Variants in PLB1 observed in about 807,000 individuals in gnomAD.
PLB1 encodes the protein phospholipase B1, membrane-associated.
In PLB1, 242 loss-of-function variants were observed where a neutral mutation model predicts 227.4. That is an observed-to-expected ratio of 1.06 (90% CI 0.96 to 1.18). The LOEUF (loss-of-function observed/expected upper bound fraction) is 1.18. Among genes scored for constraint, PLB1 ranks in the 50% most tolerant of loss-of-function variants. The pLI is 0.00. For synonymous variants in PLB1, 757 were observed against 682.2 expected (o/e 1.11, Z -1.71); for missense variants, 1,858 against 1,816.3 (o/e 1.02, Z -0.42).
Position 28,529,354 on chromosome 2 carries a change from T to C in PLB1, c.363T>C (p.Val121=). The change falls in exon 7 of 58, where the codon GTT becomes GTC. Residue 121 remains valine (V), a synonymous_variant. Coordinates refer to ENST00000327757, the MANE Select transcript of PLB1 (RefSeq NM_153021.5). ...TCATCAGATATTTCAGTCCTTCTGT[T>C]CCAATGCCTGTGTGCCACACTGGAA... ...SDIIRYFSPS[V]PMPVCHTGKR... is the part of the protein sequence containing the mutation. The C allele has an allele frequency of 6.2e-7, 1 of 1,611,962 alleles. No homozygotes were observed. Among genetic ancestry groups the C allele is most frequent in the Non-Finnish European group, 8.5e-7 (1 of 1,178,068 alleles).
chr2:28,563,757 T>C (rs1308313565), intron 18 of PLB1, among the ~76,000 whole-genome samples: 1 of 152,058 alleles, frequency 6.6e-6, no homozygotes, highest in Non-Finnish European at 1.5e-5. Context: ...AGACACAGCT[T>C]CCATTCAACA....
At chr2:28,566,732 C>T in intron 19 of PLB1, 64 bp from the exon 20 acceptor site, 1 of 1,577,044 alleles carries the variant, frequency 6.3e-7, no homozygotes, top group Non-Finnish European at 8.7e-7. Flanking sequence ...TGGCTAGTGT[C>T]TGAAGGGTCT....
At chr2:28,593,317 A>T (rs1171584964) in intron 32 of PLB1, among the ~76,000 whole-genome samples, 2 of 152,238 alleles carry the variant, frequency 1.3e-5, no homozygotes, top group Non-Finnish European at 2.9e-5. Context: ...CTCTCTCTTC[A>T]TGCTCATAAA....
chr2:28,601,013 G>A (rs868858750), intron 36 of PLB1, among the ~76,000 whole-genome samples, 153 bp downstream of exon 36: 1 of 152,192 alleles, frequency 6.6e-6, no homozygotes, highest in Admixed American at 6.5e-5. Context: ...AGGTCCTGTG[G>A]AGGAGGGTAT....
chr2:28,562,086 T>C (rs1676142096), intron 17 of PLB1, among the ~76,000 whole-genome samples: 1 of 151,836 alleles, frequency 6.6e-6, no homozygotes, highest in South Asian at 2.1e-4. Flanking sequence ...GAGGGAGAAA[T>C]GGAGAGTGAC....
intron 8 of PLB1, 38 bp from the exon 9 acceptor site, chr2:28,532,070 A>G (rs776195579): frequency 5.4e-5 from 82 of 1,524,418 alleles, no homozygotes; most frequent in Admixed American, 8.5e-5. Flanking sequence ...CAAGGTCTTA[A>G]CACAATCTCC....
At chr2:28,523,228 C>T (rs1254581698) in intron 4 of PLB1, among the ~76,000 whole-genome samples, 1 of 151,774 alleles carries the variant, frequency 6.6e-6, no homozygotes, top group Admixed American at 6.6e-5. Flanking sequence ...TACACACGTG[C>T]ACACACATAT....
chr2:28,564,532 C>T (rs901954007), intron 18 of PLB1, among the ~76,000 whole-genome samples: 35 of 152,202 alleles, frequency 2.3e-4, no homozygotes, highest in Admixed American at 2.2e-3. Flanking sequence ...GCTCCCAATT[C>T]CCTGGTCTCC....
At chr2:28,640,062 T>A (rs529732625) in intron 56 of PLB1, among the ~76,000 whole-genome samples, 1 of 152,180 alleles carries the variant, frequency 6.6e-6, no homozygotes, top group East Asian at 1.9e-4. Flanking sequence ...GTAAAAGGCC[T>A]TCAGACAACA....
intron 17 of PLB1, among the ~76,000 whole-genome samples, chr2:28,556,868 TA>T (rs746903295): frequency 2.4e-4 from 36 of 152,242 alleles, no homozygotes; most frequent in Non-Finnish European, 4.7e-4. Context: ...AATTCCTTGC[TA>T]AGTCCCTGAT....
At chr2:28,562,232 T>C (rs944267035) in intron 17 of PLB1, among the ~76,000 whole-genome samples, 4 of 152,150 alleles carry the variant, frequency 2.6e-5, no homozygotes, top group African/African-American at 4.8e-5. Flanking sequence ...ATTTTAGTTA[T>C]ATGAATTTCA....
At chr2:28,520,519 A>G (rs1669383074) in intron 4 of PLB1, among the ~76,000 whole-genome samples, 1 of 152,236 alleles carries the variant, frequency 6.6e-6, no homozygotes, top group Non-Finnish European at 1.5e-5. Context: ...CTAGTGTTAA[A>G]TATATTCACG....
At position 28,496,243 on chromosome 2, in the gene PLB1, G is replaced by T. The variant is rs572470882; in HGVS notation, c.55+74G>T. 7.9e-6 allele frequency: 11 copies of T among 1,397,686 alleles called. No individual in the cohort carries two copies. In the East Asian group the frequency reaches 2.3e-4, roughly 29 times the overall value. The allele number at this position is 1,397,686 out of a possible 1,614,324, so 86.6% of individuals were successfully genotyped here. On this transcript the variant is annotated intron_variant, in intron 1 of 57. Transcript: ENST00000327757. ...GTGTCCCATGTTGCTTAGGCAATGG[G>T]TGTGTGAGAGGAGTGTGTGCTTTTG... is the stretch of plus-strand genomic sequence containing the variant.
At chr2:28,537,884 T>G (rs1486925241) in intron 9 of PLB1, among the ~76,000 whole-genome samples, 1 of 152,030 alleles carries the variant, frequency 6.6e-6, no homozygotes, top group African/African-American at 2.4e-5. Flanking sequence ...CACATGAAGG[T>G]TCCGAGGCCC....
intron 41 of PLB1, among the ~76,000 whole-genome samples, chr2:28,605,469 G>C (rs753862272): frequency 2.6e-5 from 4 of 152,070 alleles, no homozygotes; most frequent in Non-Finnish European, 5.9e-5. Context: ...AAGACTACCA[G>C]GACCAGCAGA....
chr2:28,527,754 G>C (rs899416830), intron 6 of PLB1, among the ~76,000 whole-genome samples: 1 of 152,210 alleles, frequency 6.6e-6, no homozygotes, highest in African/African-American at 2.4e-5. Context: ...GTACACAGCA[G>C]ACTTAAAACA....
At chr2:28,524,844 C>T (rs13383847) in intron 4 of PLB1, among the ~76,000 whole-genome samples, 15 of 106,576 alleles carry the variant, frequency 1.4e-4, no homozygotes, top group African/African-American at 3.9e-4. Flanking sequence ...CTCTCTCTCT[C>T]TTTTTTTTTT....
chr2:28,632,210 C>A (rs1172192727), intron 55 of PLB1, 70 bp downstream of exon 55: 8 of 1,263,938 alleles, frequency 6.3e-6, no homozygotes, highest in African/African-American at 4.9e-5. Flanking sequence ...GTATTTCCTT[C>A]TCTAAGTGGG....
intron 15 of PLB1, 143 bp from the exon 16 acceptor site, chr2:28,549,867 A>C: frequency 1.7e-6 from 1 of 601,286 alleles, no homozygotes; most frequent in African/African-American, 1.9e-5. Context: ...CAGAGAGAAG[A>C]GCCAGAGAAT....
Sources: allele counts gnomAD v4.1 joint callset (sites outside exome capture counted in the v4.1 genomes callset), GRCh38; gene constraint gnomAD v4.1.1; transcripts MANE v1.5; gene names NCBI Gene and HGNC (gene_info 2026-07-23, HGNC 2026-07-21).